Variants in SCN2A observed in about 807,000 individuals in gnomAD.
The protein encoded by SCN2A is sodium voltage-gated channel alpha subunit 2.
SCN2A carries 20 observed loss-of-function variants against 188.7 expected under a neutral mutation model. The observed-to-expected ratio is 0.11, with a 90% CI of 0.07 to 0.15. SCN2A has a LOEUF of 0.15. Among genes scored for constraint, SCN2A ranks in the 10% least tolerant of loss-of-function variants. SCN2A has a pLI of 1.00. For missense variants in SCN2A, 1,278 were observed against 2,445.0 expected, an observed-to-expected ratio of 0.52 and a Z score of 10.07; for synonymous variants, 804 against 833.1, an observed-to-expected ratio of 0.97 and a Z score of 0.60.
chr2:165,371,466 A>G (rs1423527854), intron 20 of SCN2A: 1 of 152,194 alleles, frequency 6.6e-6, no homozygotes, highest in African/African-American at 2.4e-5. Flanking sequence ...CACCTGTATT[A>G]CAAGTGCCAC....
chr2:165,320,529 C>A (rs1698020329), intron 11 of SCN2A, among the ~76,000 whole-genome samples: 1 of 152,186 alleles, frequency 6.6e-6, no homozygotes, highest in Non-Finnish European at 1.5e-5. Flanking sequence ...CCATGAGAGC[C>A]CTGCCCCTGC....
At chr2:165,331,977 T>C (rs965312657) in intron 14 of SCN2A, among the ~76,000 whole-genome samples, 4 of 152,080 alleles carry the variant, frequency 2.6e-5, no homozygotes, top group African/African-American at 9.7e-5. Flanking sequence ...ATGGACTATG[T>C]AGGGAGGGGA....
At chr2:165,381,791 C>T (rs567007988) in intron 25 of SCN2A, among the ~76,000 whole-genome samples, 2 of 151,876 alleles carry the variant, frequency 1.3e-5, no homozygotes, top group East Asian at 1.9e-4. Flanking sequence ...TGATACTGTT[C>T]GTTCAGTTTG....
intron 1 of SCN2A, among the ~76,000 whole-genome samples, chr2:165,251,307 G>A (rs1020602375): frequency 2.6e-5 from 4 of 152,066 alleles, no homozygotes; most frequent in Non-Finnish European, 4.4e-5. Context: ...TGGAACATCT[G>A]TGATTCAAGT....
At chr2:165,293,765 A>G (rs2106145112) in intron 1 of SCN2A, 9 of 889,120 alleles carry the variant, frequency 1.0e-5, no homozygotes, top group Non-Finnish European at 1.2e-5. Flanking sequence ...CTTAAAATCA[A>G]CAAAGTTTTA....
intron 3 of SCN2A, among the ~76,000 whole-genome samples, chr2:165,303,181 G>A (rs1372525422): frequency 3.3e-5 from 5 of 151,364 alleles, no homozygotes; most frequent in African/African-American, 4.9e-5. Context: ...TTTGACGTGG[G>A]GTTTCTATAC....
rs766470088 is a variant in SCN2A at position 165,323,489 on chromosome 2, C to G, written c.2005C>G (p.Leu669Val). The stretch of plus-strand genomic sequence containing the variant: ...TTCTACCCTCACATCTGCTGGGCAG[C>G]TCCTACCAGAGGTGAGGCCAATTAA... Reference protein sequence around the residue: ...GPSTLTSAGQLLPEGTTTETE... With the variant: ...GPSTLTSAGQVLPEGTTTETE... The change falls in exon 12 of 27, where the codon CTC (leucine) becomes GTC (valine). Residue 669 changes from leucine (L) to valine (V), a missense_variant. By Grantham distance (32) the Leu-to-Val change is conservative. This residue lies in a region of SCN2A where 315 missense variants were observed against 386.6 expected (regional missense o/e 0.81). Coordinates refer to ENST00000375437, the MANE Select transcript of SCN2A (RefSeq NM_001040142.2). The G allele has an allele frequency of 6.2e-7, 1 of 1,612,408 alleles. No homozygotes were observed. The highest frequency in any genetic ancestry group is 1.3e-5 in the African/African-American group (1 of 74,870).
intron 21 of SCN2A, 103 bp from the exon 22 acceptor site, chr2:165,374,582 A>G: frequency 3.8e-6 from 5 of 1,312,640 alleles, no homozygotes; most frequent in East Asian, 2.5e-5. Context: ...CAACTTTGAA[A>G]CAGATTTTTT....
chr2:165,338,372 G>A (rs1367988267), intron 14 of SCN2A, among the ~76,000 whole-genome samples: 1 of 150,162 alleles, frequency 6.7e-6, no homozygotes, highest in East Asian at 2.0e-4. Flanking sequence ...TTGTTCTGCT[G>A]CCTTAGCCTC....
intron 1 of SCN2A, chr2:165,271,342 A>G (rs1204008688): frequency 1.3e-5 from 2 of 152,164 alleles, no homozygotes; most frequent in Admixed American, 1.3e-4. Context: ...GCTTCCCATT[A>G]AAGTATGATT....
intron 1 of SCN2A, among the ~76,000 whole-genome samples, chr2:165,280,885 A>C (rs1156875553): frequency 6.6e-6 from 1 of 152,204 alleles, no homozygotes; most frequent in Non-Finnish European, 1.5e-5. Context: ...TTACATTGCA[A>C]TGTACAGAGA....
At chr2:165,365,313 AT>A (rs759119652) in intron 18 of SCN2A, 50 bp downstream of exon 18, 4 of 1,601,104 alleles carry the variant, frequency 2.5e-6, no homozygotes, top group East Asian at 2.2e-5. Flanking sequence ...TTTTCTACCC[AT>A]TTTTTCCTAT....
At chr2:165,311,889 C>T (rs571977829) in intron 7 of SCN2A, 136 bp from the exon 8 acceptor site, 8 of 663,050 alleles carry the variant, frequency 1.2e-5, no homozygotes, top group South Asian at 4.9e-5. Flanking sequence ...TGAAAAATCT[C>T]TTTAGCCATA....
At chr2:165,342,858 G>A (rs1265902875) in intron 15 of SCN2A, among the ~76,000 whole-genome samples, 1 of 152,172 alleles carries the variant, frequency 6.6e-6, no homozygotes, top group African/African-American at 2.4e-5. Context: ...AAGAATTATG[G>A]AATTGTTCAT....
At chr2:165,344,942 A>G in intron 16 of SCN2A, 31 bp downstream of exon 16, 2 of 1,612,714 alleles carry the variant, frequency 1.2e-6, no homozygotes, top group South Asian at 1.1e-5. Flanking sequence ...CCTCATTTTC[A>G]TTAAAAGATA....
chr2:165,270,038 ACTT>A (rs1276417900), intron 1 of SCN2A: 3 of 151,928 alleles, frequency 2.0e-5, no homozygotes, highest in Non-Finnish European at 4.4e-5. Flanking sequence ...TCTGTTGTTT[ACTT>A]TAATCTCTTC....
At chr2:165,246,300 T>C (rs1428445910) in intron 1 of SCN2A, among the ~76,000 whole-genome samples, 1 of 152,200 alleles carries the variant, frequency 6.6e-6, no homozygotes, top group Non-Finnish European at 1.5e-5. Context: ...TATGCATATG[T>C]ATGGCCTCTT....
chr2:165,323,349 A>G lies in SCN2A; in HGVS notation c.1865A>G (p.His622Arg). Residue 622 changes from histidine (H) to arginine (R), a missense_variant, in exon 12 of 27, where the codon CAC (histidine) becomes CGC (arginine). Transcript: ENST00000375437. ...CCGCACAGACATGGAGAACGGCGCC[A>G]CAGCAATGTCAGCCAGGCCAGCCGT... ...FVPHRHGERR[H>R]SNVSQASRAS... 6.2e-7 allele frequency: 1 copy of G among 1,614,186 alleles called. No homozygotes were observed. The highest frequency in any genetic ancestry group is 1.6e-4 in the Middle Eastern group (1 of 6,062).
chr2:165,312,455 A>C (rs891386175), intron 8 of SCN2A, among the ~76,000 whole-genome samples: 5 of 152,092 alleles, frequency 3.3e-5, no homozygotes, highest in Non-Finnish European at 7.4e-5. Flanking sequence ...AAGATCTCTG[A>C]AAATAATGTT....
Sources: gnomAD v4.1 joint callset for allele counts (sites outside exome capture counted in the v4.1 genomes callset) on GRCh38, gnomAD v4.1.1 for gene constraint, gnomAD v4.1.1 regional missense constraint, MANE v1.5 for transcripts, NCBI Gene and HGNC (gene_info 2026-07-23, HGNC 2026-07-21) for gene names.